TBCK: variants seen among roughly 807,000 people sequenced by gnomAD.
TBCK encodes the protein TBC domain-containing protein kinase-like protein.
In TBCK, 99 loss-of-function variants were observed where a neutral mutation model predicts 113.4. The observed-to-expected ratio is 0.87, with a 90% confidence interval of 0.74 to 1.03. The LOEUF is 1.03. Ranked by LOEUF, TBCK falls within the 50% of genes least tolerant of loss-of-function variation. The pLI, the probability that TBCK is intolerant of heterozygous loss-of-function variation, is 0.00. For synonymous variants in TBCK, 369 were observed against 370.8 expected (o/e 1.00, Z 0.05); for missense variants, 1,045 against 1,061.3 (o/e 0.98, Z 0.21).
At chr4:106,179,052 C>T (rs1752022552) in intron 22 of TBCK, among the ~76,000 whole-genome samples, 2 of 151,794 alleles carry the variant, frequency 1.3e-5, no homozygotes, top group Admixed American at 1.3e-4. Context: ...TCTAATGATC[C>T]TTTGTAATTC....
intron 22 of TBCK, among the ~76,000 whole-genome samples, chr4:106,188,657 T>C (rs1206766610): frequency 1.3e-5 from 2 of 152,152 alleles, no homozygotes; most frequent in African/African-American, 4.8e-5. Flanking sequence ...AGGTTTAAGA[T>C]GTATAAGAAC....
upstream of TBCK, chr4:106,316,383 T>G: frequency 1.9e-5 from 12 of 636,232 alleles, no homozygotes; most frequent in South Asian, 7.8e-5. Context: ...AAATACTGGG[T>G]GAGGGAATGG....
At chr4:106,216,168 C>A (rs1451204302) in intron 19 of TBCK, among the ~76,000 whole-genome samples, 2 of 151,340 alleles carry the variant, frequency 1.3e-5, no homozygotes, top group African/African-American at 4.9e-5. Flanking sequence ...TTGAAACCAA[C>A]GAGAACAAAG....
intron 20 of TBCK, among the ~76,000 whole-genome samples, chr4:106,200,160 C>T (rs146751707): frequency 6.6e-6 from 1 of 152,302 alleles, no homozygotes; most frequent in Non-Finnish European, 1.5e-5. Flanking sequence ...CTGCTGCTTT[C>T]GCTTGGTTTG....
chr4:106,103,646 A>T (rs921014983), intron 24 of TBCK, among the ~76,000 whole-genome samples: 6 of 152,244 alleles, frequency 3.9e-5, no homozygotes, highest in African/African-American at 1.2e-4. Flanking sequence ...TGCTTGGTAC[A>T]GTGTAAGAAC....
chr4:106,151,880 C>T (rs1385637087), intron 23 of TBCK, among the ~76,000 whole-genome samples: 3 of 151,900 alleles, frequency 2.0e-5, no homozygotes, highest in African/African-American at 7.2e-5. Context: ...GTTTCTTCTT[C>T]AGATTGTTTG....
At chr4:106,140,045 T>C (rs917704327) in intron 23 of TBCK, among the ~76,000 whole-genome samples, 1 of 141,258 alleles carries the variant, frequency 7.1e-6, no homozygotes, top group Non-Finnish European at 1.6e-5. Flanking sequence ...AGATGAATTG[T>C]AATAGATGAA....
At chr4:106,063,771 A>G (rs1736317973) in intron 25 of TBCK, among the ~76,000 whole-genome samples, 2 of 151,858 alleles carry the variant, frequency 1.3e-5, no homozygotes, top group Admixed American at 6.6e-5. Context: ...GATAAAAAGG[A>G]CCTGAGAGAG....
chr4:106,260,321 TA>T, intron 5 of TBCK, 115 bp downstream of exon 5: 1 of 432,004 alleles, frequency 2.3e-6, no homozygotes, highest in Non-Finnish European at 4.0e-6. Flanking sequence ...GCATTAATTT[TA>T]AAAAAGCTGT....
At chr4:106,177,935 A>G (rs946215690) in intron 22 of TBCK, among the ~76,000 whole-genome samples, 2 of 151,988 alleles carry the variant, frequency 1.3e-5, no homozygotes, top group Admixed American at 6.6e-5. Context: ...ACATGTTAAC[A>G]TTATTAATTC....
chr4:106,316,624 C>T, upstream of TBCK: 2 of 1,548,724 alleles, frequency 1.3e-6, no homozygotes, highest in Non-Finnish European at 8.7e-7. Flanking sequence ...GTCACTCACT[C>T]GGGGATCGCC....
At chr4:106,064,137 C>T in intron 25 of TBCK, among the ~76,000 whole-genome samples, 1 of 151,856 alleles carries the variant, frequency 6.6e-6, no homozygotes, top group East Asian at 1.9e-4. Flanking sequence ...TATACTAGGG[C>T]TACAGGGGAG....
At chr4:106,263,036 T>C (rs1313053389) in intron 3 of TBCK, among the ~76,000 whole-genome samples, 1 of 151,936 alleles carries the variant, frequency 6.6e-6, no homozygotes, top group Non-Finnish European at 1.5e-5. Flanking sequence ...TTTTGAAAAG[T>C]TCAAATCTCA....
chr4:106,095,408 T>C (rs1391597538), intron 25 of TBCK, 74 bp downstream of exon 25: 2 of 1,369,966 alleles, frequency 1.5e-6, no homozygotes, highest in Non-Finnish European at 2.0e-6. Flanking sequence ...GAAATATACT[T>C]TTAGATAACC....
chr4:106,174,719 G>A (rs1236659964), intron 22 of TBCK, among the ~76,000 whole-genome samples: 6 of 151,882 alleles, frequency 4.0e-5, no homozygotes, highest in Admixed American at 3.3e-4. Flanking sequence ...TAATAATTTT[G>A]TCATTTTGTT....
intron 3 of TBCK, among the ~76,000 whole-genome samples, chr4:106,289,710 G>A (rs1432379799): frequency 1.3e-5 from 2 of 150,992 alleles, no homozygotes; most frequent in East Asian, 3.9e-4. Flanking sequence ...AGAGGTTGCA[G>A]TGAGCCGAGA....
In TBCK at chr4:106,262,131, T is replaced by C. The variant is rs753772633; in HGVS notation, c.348A>G (p.Ala116=). Reference sequence around the variant, plus strand: ...CCAACAGGATATTATGAGGAGACAATGCCCTGTGTACTATACCATGTTTGT... The same window carrying C: ...CCAACAGGATATTATGAGGAGACAACGCCCTGTGTACTATACCATGTTTGT... ...YMNKHGIVHR[A]LSPHNILLDR... is the part of the protein sequence containing the mutation. Residue 116 remains alanine (A), a synonymous_variant, in exon 4 of 26, where the codon GCA becomes GCG. Coordinates refer to ENST00000394708, the MANE Select transcript of TBCK (RefSeq NM_001163435.3). 7.3e-5 allele frequency: 113 copies of C among 1,544,714 alleles called. 2 individuals are homozygous for C. The South Asian group carries it at 1.2e-3, about 17-fold the overall frequency.
At chr4:106,242,755 C>CACA (rs1760308745) in intron 11 of TBCK, among the ~76,000 whole-genome samples, 186 bp from the exon 12 acceptor site, 1 of 151,738 alleles carries the variant, frequency 6.6e-6, no homozygotes, top group Non-Finnish European at 1.5e-5. Context: ...GGTACATGTG[C>CACA]ACAATGTGCA....
intron 20 of TBCK, among the ~76,000 whole-genome samples, chr4:106,197,736 A>G (rs965237498): frequency 2.6e-5 from 4 of 151,936 alleles, no homozygotes; most frequent in Non-Finnish European, 2.9e-5. Context: ...AACTGCACCC[A>G]ATCACACTCA....
Sources: gnomAD v4.1 joint callset for allele counts (sites outside exome capture counted in the v4.1 genomes callset) on GRCh38, gnomAD v4.1.1 for gene constraint, MANE v1.5 for transcripts, NCBI Gene and HGNC (gene_info 2026-07-23, HGNC 2026-07-21) for gene names.